DAB1: variants seen among roughly 807,000 people sequenced by gnomAD.
DAB1 encodes DAB adaptor protein 1.
A neutral mutation model predicts 64.6 loss-of-function variants in DAB1; 15 were observed. The ratio of observed to expected loss-of-function variants is 0.23; its 90% confidence interval spans 0.16 to 0.36. DAB1 has a LOEUF of 0.36. DAB1 is among the 10% of genes least tolerant of loss of function. DAB1 has a pLI of 1.00. For synonymous variants in DAB1, 235 were observed against 251.9 expected (o/e 0.93, Z 0.64); for missense variants, 596 against 706.7 (o/e 0.84, Z 1.78).
chr1:57,415,620 C>G (rs919522592), intron 1 of DAB1, among the ~76,000 whole-genome samples: 8 of 152,192 alleles, frequency 5.3e-5, no homozygotes, highest in African/African-American at 1.7e-4. Flanking sequence ...ATATGGTTGG[C>G]CCATCTTTGA....
intron 5 of DAB1, among the ~76,000 whole-genome samples, chr1:58,144,679 T>G (rs942871172): frequency 6.6e-6 from 1 of 151,800 alleles, no homozygotes; most frequent in Admixed American, 6.5e-5. Context: ...CCAGAATGAG[T>G]AGAAGCATTT....
At chr1:57,475,639 C>T (rs151234826) in intron 7 of DAB1, among the ~76,000 whole-genome samples, 10 of 152,282 alleles carry the variant, frequency 6.6e-5, no homozygotes, top group African/African-American at 2.4e-4. Context: ...AGCGGAGCTC[C>T]GAGAATAGGT....
At chr1:57,746,680 A>T (rs961649879) in intron 6 of DAB1, among the ~76,000 whole-genome samples, 5 of 152,316 alleles carry the variant, frequency 3.3e-5, no homozygotes, top group South Asian at 2.1e-4. Flanking sequence ...TATACTTTAA[A>T]TTATCTCTAG....
At chr1:58,145,479 A>G (rs1276776977) in intron 5 of DAB1, among the ~76,000 whole-genome samples, 1 of 152,252 alleles carries the variant, frequency 6.6e-6, no homozygotes, top group Non-Finnish European at 1.5e-5. Flanking sequence ...CATAGAGCAC[A>G]TCGTCTGGCC....
chr1:57,030,372 C>A (rs1646929553), intron 9 of DAB1, among the ~76,000 whole-genome samples: 1 of 152,108 alleles, frequency 6.6e-6, no homozygotes, highest in Non-Finnish European at 1.5e-5. Context: ...CAGCTTTTGG[C>A]AAAGTTTAAG....
At chr1:58,023,454 G>A (rs1333947957) in intron 5 of DAB1, among the ~76,000 whole-genome samples, 1 of 152,090 alleles carries the variant, frequency 6.6e-6, no homozygotes, top group African/African-American at 2.4e-5. Flanking sequence ...AGGTTCTCTG[G>A]GGTGGGGTGT....
chr1:57,481,015 A>G (rs904778423), intron 7 of DAB1, among the ~76,000 whole-genome samples: 1 of 152,232 alleles, frequency 6.6e-6, no homozygotes, highest in Non-Finnish European at 1.5e-5. Flanking sequence ...ACCTACTAGA[A>G]AAGCGAGAAC....
intron 1 of DAB1, among the ~76,000 whole-genome samples, chr1:57,334,904 G>A (rs1676956938): frequency 6.6e-6 from 1 of 152,090 alleles, no homozygotes; most frequent in African/African-American, 2.4e-5. Flanking sequence ...TGTCCTTCCT[G>A]TTTAAATAAG....
chr1:58,244,315 T>C (rs1179721655), intron 4 of DAB1, among the ~76,000 whole-genome samples: 1 of 152,188 alleles, frequency 6.6e-6, no homozygotes, highest in African/African-American at 2.4e-5. Context: ...TCTAGGATCT[T>C]ACACAGGTCC....
chr1:58,043,558 C>T (rs777243356), intron 5 of DAB1, among the ~76,000 whole-genome samples: 1 of 152,218 alleles, frequency 6.6e-6, no homozygotes, highest in Non-Finnish European at 1.5e-5. Context: ...CTCACAGTCA[C>T]TCCTACTCTA....
intron 6 of DAB1, among the ~76,000 whole-genome samples, chr1:57,736,274 G>A (rs931841482): frequency 3.3e-5 from 5 of 152,088 alleles, no homozygotes; most frequent in Non-Finnish European, 7.4e-5. Context: ...GAGAACGGTG[G>A]GGAAACACAA....
At chr1:57,745,612 G>A (rs887218511) in intron 6 of DAB1, among the ~76,000 whole-genome samples, 1 of 151,974 alleles carries the variant, frequency 6.6e-6, no homozygotes, top group Non-Finnish European at 1.5e-5. Flanking sequence ...TTTTTCTCTT[G>A]GGATTATATT....
chr1:57,483,497 G>A (rs1463357829), intron 7 of DAB1, among the ~76,000 whole-genome samples: 1 of 152,174 alleles, frequency 6.6e-6, no homozygotes, highest in Non-Finnish European at 1.5e-5. Context: ...GTGCAACTGT[G>A]AGTCCATTAA....
At chr1:58,342,406 G>C (rs145771899) in intron 4 of DAB1, among the ~76,000 whole-genome samples, 2 of 152,160 alleles carry the variant, frequency 1.3e-5, no homozygotes, top group South Asian at 4.1e-4. Flanking sequence ...GGCAATGCCC[G>C]TGGGCTGCAG....
chr1:58,435,842 G>A (rs1016414764), intron 3 of DAB1, among the ~76,000 whole-genome samples: 9 of 152,180 alleles, frequency 5.9e-5, no homozygotes, highest in South Asian at 2.1e-4. Context: ...ACCTTAGCAC[G>A]TCTGAGTTAT....
intron 7 of DAB1, among the ~76,000 whole-genome samples, chr1:57,431,737 T>TA (rs2101116010): frequency 6.6e-6 from 1 of 152,316 alleles, no homozygotes; most frequent in South Asian, 2.1e-4. Flanking sequence ...AAAGGACTCT[T>TA]ACGTTTCAAT....
intron 8 of DAB1, among the ~76,000 whole-genome samples, chr1:57,064,678 T>G (rs1316354582): frequency 6.6e-6 from 1 of 152,184 alleles, no homozygotes; most frequent in Non-Finnish European, 1.5e-5. Context: ...ACTGCTATAC[T>G]ATTCAGACAG....
intron 4 of DAB1, among the ~76,000 whole-genome samples, chr1:57,102,591 T>G (rs1570695321): frequency 6.6e-6 from 1 of 152,202 alleles, no homozygotes; most frequent in African/African-American, 2.4e-5. Context: ...AGCATATGAA[T>G]TTTTTCATTG....
chr1:57,336,460 T>A (rs897410196), intron 1 of DAB1, among the ~76,000 whole-genome samples: 24 of 152,230 alleles, frequency 1.6e-4, no homozygotes, highest in Admixed American at 1.4e-3. Flanking sequence ...TATGCTAATG[T>A]TACCAGGAGA....
Sources: allele counts gnomAD v4.1 joint callset (sites outside exome capture counted in the v4.1 genomes callset), GRCh38; gene constraint gnomAD v4.1.1; transcripts MANE v1.5; gene names NCBI Gene and HGNC (gene_info 2026-07-23, HGNC 2026-07-21).